The following GLRA1 variants were observed in gnomAD, a reference collection of about 807,000 sequenced individuals.
GLRA1 encodes glycine receptor alpha 1.
GLRA1 carries 37 observed loss-of-function variants against 48.3 expected under a neutral mutation model. The ratio of observed to expected loss-of-function variants is 0.77; its 90% CI spans 0.59 to 1.01. The LOEUF (loss-of-function observed/expected upper bound fraction) is 1.01, where lower values mean the gene tolerates loss of function less well. GLRA1 is among the 50% of genes least tolerant of loss of function. The probability of loss-of-function intolerance (pLI) is 0.00; values close to 1 mark genes in which losing one functional copy is unlikely to be tolerated. For missense variants in GLRA1, 427 were observed against 571.0 expected (o/e 0.75, Z 2.57); for synonymous variants, 196 against 210.7 (o/e 0.93, Z 0.60).
At chr5:151,886,683 C>G (rs1561572063) in intron 3 of GLRA1, 38 bp downstream of exon 3, 1 of 1,384,960 alleles carries the variant, frequency 7.2e-7, no homozygotes, top group Non-Finnish European at 1.0e-6. Flanking sequence ...AGAGATATCT[C>G]CAGCAGGAAC....
chr5:151,890,842 G>A (rs1420104654), intron 2 of GLRA1, among the ~76,000 whole-genome samples: 3 of 152,202 alleles, frequency 2.0e-5, no homozygotes, highest in Non-Finnish European at 4.4e-5. Context: ...CTATCCTGGG[G>A]GTTATGTTAA....
chr5:151,901,927 G>A (rs1387551860), intron 1 of GLRA1, among the ~76,000 whole-genome samples: 1 of 152,164 alleles, frequency 6.6e-6, no homozygotes, highest in Non-Finnish European at 1.5e-5. Flanking sequence ...AGCCCCATGA[G>A]ACAACTGGTC....
chr5:151,909,273 G>T (rs1457228162), intron 1 of GLRA1, among the ~76,000 whole-genome samples: 1 of 152,102 alleles, frequency 6.6e-6, no homozygotes, highest in Non-Finnish European at 1.5e-5. Context: ...TACACAAAGG[G>T]TGACCTGATC....
intron 3 of GLRA1, among the ~76,000 whole-genome samples, chr5:151,872,918 CAT>C (rs1204510227): frequency 6.7e-6 from 1 of 149,384 alleles, no homozygotes; most frequent in Non-Finnish European, 1.5e-5. Flanking sequence ...TATATAAAGA[CAT>C]GTATATGTAC....
chr5:151,910,422 AAC>A (rs1290792947), intron 1 of GLRA1, among the ~76,000 whole-genome samples: 2 of 152,210 alleles, frequency 1.3e-5, no homozygotes, highest in African/African-American at 4.8e-5. Context: ...AACAACTATA[AAC>A]AGTTTTCAGT....
At chr5:151,856,601 C>T (rs1753051906) in intron 4 of GLRA1, among the ~76,000 whole-genome samples, 1 of 152,156 alleles carries the variant, frequency 6.6e-6, no homozygotes, top group Non-Finnish European at 1.5e-5. Context: ...TCACTGCAGT[C>T]TTGACTTTCT....
At chr5:151,849,886 T>C in intron 7 of GLRA1, 8 of 1,490,530 alleles carry the variant, frequency 5.4e-6, no homozygotes, top group Non-Finnish European at 7.1e-6. Context: ...TTTTACAGTC[T>C]GAAGGCTCCA....
chr5:151,857,239 G>A (rs993950505), intron 4 of GLRA1, among the ~76,000 whole-genome samples: 5 of 152,274 alleles, frequency 3.3e-5, no homozygotes. Flanking sequence ...GGCGGTGGGT[G>A]TGGACAACTC....
rs114352923 is a variant in GLRA1 at position 151,877,590 on chromosome 5, C to A, written c.252+9131G>T. On this transcript the variant is annotated intron_variant, in intron 3 of 8. Coordinates refer to ENST00000274576, the MANE Select transcript of GLRA1 (RefSeq NM_000171.4). ...TATGTTTGGGTATTGGTGTCCCCAC[C>A]CAAATCTCATCTTGAATCCCCATGT... Among the ~76,000 whole-genome samples the A allele has an allele frequency of 5.8e-3, 881 of 152,302 alleles. 4 individuals carry two copies. The highest frequency in any genetic ancestry group is 0.01 in the Middle Eastern group (3 of 294).
chr5:151,844,766 A>G (rs1752623420), intron 7 of GLRA1, among the ~76,000 whole-genome samples: 1 of 152,078 alleles, frequency 6.6e-6, no homozygotes, highest in Non-Finnish European at 1.5e-5. Context: ...AAGAAAACCC[A>G]TAGAGTCTTA....
intron 1 of GLRA1, among the ~76,000 whole-genome samples, chr5:151,899,781 G>A (rs1754318672): frequency 6.6e-6 from 1 of 152,038 alleles, no homozygotes; most frequent in Non-Finnish European, 1.5e-5. Context: ...AGCACCCCTG[G>A]GAACAGAATG....
intron 6 of GLRA1, 26 bp from the exon 7 acceptor site, chr5:151,851,630 A>C: frequency 1.3e-6 from 2 of 1,513,504 alleles, no homozygotes; most frequent in Non-Finnish European, 1.8e-6. Context: ...GTGAGAAGGC[A>C]GTGTAGCCTG....
intron 1 of GLRA1, among the ~76,000 whole-genome samples, chr5:151,893,831 T>C: frequency 6.6e-6 from 1 of 152,250 alleles, no homozygotes; most frequent in Middle Eastern, 3.2e-3. Context: ...CATGTGCATG[T>C]ATCTTTATAG....
At chr5:151,891,318 A>G (rs1182717610) in intron 2 of GLRA1, among the ~76,000 whole-genome samples, 2 of 152,244 alleles carry the variant, frequency 1.3e-5, no homozygotes, top group Non-Finnish European at 2.9e-5. Flanking sequence ...GGTTATAGAC[A>G]CTAAGTTCCC....
intron 1 of GLRA1, among the ~76,000 whole-genome samples, chr5:151,897,474 T>G (rs1213516550): frequency 6.6e-6 from 1 of 152,160 alleles, no homozygotes; most frequent in Non-Finnish European, 1.5e-5. Context: ...TTTCAGAGAT[T>G]ACTAAAATAC....
chr5:151,872,501 T>A (rs905123619), intron 3 of GLRA1, among the ~76,000 whole-genome samples: 18 of 149,880 alleles, frequency 1.2e-4, no homozygotes, highest in Non-Finnish European at 2.2e-4. Flanking sequence ...AAAATACTTT[T>A]AAAAAAGTGA....
At position 151,822,983 on chromosome 5, in the gene GLRA1, G is replaced by A. The variant is rs760408535; in HGVS notation, c.1060-20C>T. ...ATCCTCCTGGAATAGATTCAACATG[G>A]GGCTCTACTTAAAATAAGACAGGGG... is the stretch of plus-strand genomic sequence containing the variant. On this transcript the variant is annotated intron_variant, in intron 8 of 8. Coordinates refer to ENST00000274576, the MANE Select transcript of GLRA1 (RefSeq NM_000171.4). 31 of 1,578,656 alleles carry A rather than the reference G, an allele frequency of 2.0e-5. No homozygotes were observed. The highest frequency in any genetic ancestry group is 3.4e-4 in the Middle Eastern group (2 of 5,870).
chr5:151,899,494 G>A (rs1754312015), intron 1 of GLRA1, among the ~76,000 whole-genome samples: 3 of 152,100 alleles, frequency 2.0e-5, no homozygotes, highest in Admixed American at 2.0e-4. Flanking sequence ...CTGGGCTTCT[G>A]GGAAGAGGTG....
chr5:151,881,517 A>G (rs1206093395), intron 3 of GLRA1, among the ~76,000 whole-genome samples: 5 of 88,456 alleles, frequency 5.7e-5, no homozygotes, highest in African/African-American at 1.7e-4. Flanking sequence ...TTTTTTTTTT[A>G]GTAGAGACAG....
Sources: allele counts gnomAD v4.1 joint callset (sites outside exome capture counted in the v4.1 genomes callset), GRCh38; gene constraint gnomAD v4.1.1; transcripts MANE v1.5; gene names NCBI Gene and HGNC (gene_info 2026-07-23, HGNC 2026-07-21).